The following CADM2 variants were observed in gnomAD, a reference collection of about 807,000 sequenced individuals.
CADM2 encodes cell adhesion molecule 2, also known as immunoglobulin superfamily member 4D.
In CADM2, 12 loss-of-function variants were observed where a neutral mutation model predicts 49.8. That is an observed-to-expected ratio of 0.24 (90% CI 0.15 to 0.39). CADM2 has a LOEUF of 0.39. Among genes scored for constraint, CADM2 ranks in the 10% least tolerant of loss-of-function variants. CADM2 has a pLI of 1.00. For synonymous variants in CADM2, 214 were observed against 175.4 expected (o/e 1.22, Z -1.74); for missense variants, 378 against 492.3 (o/e 0.77, Z 2.20).
intron 1 of CADM2, among the ~76,000 whole-genome samples, chr3:85,217,085 A>C: frequency 6.6e-6 from 1 of 151,990 alleles, no homozygotes; most frequent in East Asian, 1.9e-4. Flanking sequence ...TTTACCTAAA[A>C]TATTAAGTGA....
chr3:85,576,536 A>G (rs1403970112), intron 1 of CADM2, among the ~76,000 whole-genome samples: 1 of 152,226 alleles, frequency 6.6e-6, no homozygotes, highest in Non-Finnish European at 1.5e-5. Flanking sequence ...ACACATATGG[A>G]GGCACAAACA....
chr3:85,361,022 G>A (rs2032317877), intron 1 of CADM2, among the ~76,000 whole-genome samples: 1 of 152,080 alleles, frequency 6.6e-6, no homozygotes, highest in South Asian at 2.1e-4. Flanking sequence ...TCTGCATTTA[G>A]TCTACTCTTT....
At chr3:84,959,768 C>T (rs2030271351) in intron 1 of CADM2, 100 bp downstream of exon 1, 1 of 1,159,486 alleles carries the variant, frequency 8.6e-7, no homozygotes, top group African/African-American at 1.5e-5. Flanking sequence ...GTCTCCCTGT[C>T]CCCAGCGATT....
At chr3:85,374,611 G>A (rs1467382075) in intron 1 of CADM2, among the ~76,000 whole-genome samples, 1 of 152,126 alleles carries the variant, frequency 6.6e-6, no homozygotes, top group Admixed American at 6.6e-5. Context: ...CTCAGACTGG[G>A]TAATCTATAA....
rs74807814 is a variant in CADM2, at chr3:85,783,317, C to T, written c.89-18730C>T. Among the ~76,000 whole-genome samples the T allele has an allele frequency of 2.4e-3, 360 of 152,280 alleles. 1 individual carries two copies. Among genetic ancestry groups the T allele is most frequent in the African/African-American group, 8.4e-3 (348 of 41,548 alleles). On this transcript the variant is annotated intron_variant, in intron 2 of 9. Transcript: ENST00000383699. ...GCCATTAAAATAGCTTAACAGTCAA[C>T]TCAAACCACTGATGAGCACTATTTA...
At chr3:85,302,787 C>A (rs991513517) in intron 1 of CADM2, among the ~76,000 whole-genome samples, 7 of 151,868 alleles carry the variant, frequency 4.6e-5, no homozygotes, top group Non-Finnish European at 1.0e-4. Context: ...TCTTCTTCAA[C>A]AGCTATGTAA....
intron 3 of CADM2, among the ~76,000 whole-genome samples, chr3:85,860,178 A>G (rs949168177): frequency 1.3e-5 from 2 of 152,144 alleles, no homozygotes; most frequent in Admixed American, 1.3e-4. Flanking sequence ...GATACTATTT[A>G]CATACTTAGT....
Position 85,970,363 on chromosome 3 carries a change from A to G in CADM2, c.970+8716A>G, listed in dbSNP as rs188833174. ...TCTGACCATTAGAAATACAGGTGATAGGAGTGGATATTAAAAGTGAAGCTC... is the reference window on the plus strand; with the variant it reads ...TCTGACCATTAGAAATACAGGTGATGGGAGTGGATATTAAAAGTGAAGCTC... On this transcript the variant is annotated intron_variant, in intron 8 of 9. Coordinates refer to ENST00000383699, the MANE Select transcript of CADM2 (RefSeq NM_001167675.2). 2.6e-4 allele frequency among the ~76,000 whole-genome samples: 39 copies of G among 151,592 alleles called. No individual in the cohort carries two copies. In the East Asian group the frequency reaches 7.5e-3, roughly 29 times the overall value.
At position 86,012,177 on chromosome 3, in the gene CADM2, A is replaced by G. The variant is rs547391587; in HGVS notation, c.970+50530A>G. 3.0e-3 allele frequency among the ~76,000 whole-genome samples: 457 copies of G among 152,288 alleles called. 3 individuals are homozygous for G. The highest frequency in any genetic ancestry group is 0.011 in the African/African-American group (449 of 41,578). On this transcript the variant is annotated intron_variant, in intron 8 of 9. Transcript: ENST00000383699. ...TATTAAAATAATATATACAGCTGCC[A>G]AAATATTTTCTATTTTAAAGTAATT...
intron 3 of CADM2, among the ~76,000 whole-genome samples, chr3:85,863,455 A>C (rs927021444): frequency 1.3e-5 from 2 of 152,188 alleles, no homozygotes; most frequent in Non-Finnish European, 2.9e-5. Context: ...TTAAGTCATG[A>C]GGGCTCTGCC....
chr3:85,352,169 C>T (rs1401980561), intron 1 of CADM2, among the ~76,000 whole-genome samples: 4 of 152,030 alleles, frequency 2.6e-5, no homozygotes, highest in African/African-American at 9.7e-5. Flanking sequence ...ACAATTAAAG[C>T]ACTATAGTTC....
At chr3:85,182,173 G>T (rs547609536) in intron 1 of CADM2, among the ~76,000 whole-genome samples, 2 of 151,894 alleles carry the variant, frequency 1.3e-5, no homozygotes, top group South Asian at 4.1e-4. Context: ...TAATTACAGT[G>T]GTGCTTTTAA....
intron 5 of CADM2, among the ~76,000 whole-genome samples, chr3:85,899,417 A>G (rs187795931): frequency 2.6e-5 from 4 of 152,188 alleles, no homozygotes; most frequent in Admixed American, 1.3e-4. Flanking sequence ...TTGTATTTTT[A>G]ATGCCTTTGT....
chr3:85,811,589 A>T (rs2072881116), intron 3 of CADM2, among the ~76,000 whole-genome samples: 1 of 152,170 alleles, frequency 6.6e-6, no homozygotes, highest in African/African-American at 2.4e-5. Flanking sequence ...TTATCTTTTA[A>T]TCATGTGTGT....
At chr3:85,885,454 C>T (rs577579232) in intron 4 of CADM2, among the ~76,000 whole-genome samples, 56 of 151,534 alleles carry the variant, frequency 3.7e-4, no homozygotes, top group Middle Eastern at 3.4e-3. Flanking sequence ...GGGCAGATCA[C>T]GAGGTCAGGA....
intron 1 of CADM2, among the ~76,000 whole-genome samples, chr3:85,519,318 G>A (rs1364543677): frequency 1.3e-5 from 2 of 152,002 alleles, no homozygotes; most frequent in Admixed American, 6.6e-5. Context: ...GTACTTGAGC[G>A]ATATATTTCC....
intron 7 of CADM2, among the ~76,000 whole-genome samples, chr3:85,956,942 G>T (rs959504789): frequency 6.6e-6 from 1 of 151,480 alleles, no homozygotes; most frequent in Admixed American, 6.6e-5. Context: ...ATCAAGAAAA[G>T]GTTGCCTCCT....
At chr3:85,277,514 T>C (rs1223573022) in intron 1 of CADM2, among the ~76,000 whole-genome samples, 1 of 151,420 alleles carries the variant, frequency 6.6e-6, no homozygotes, top group East Asian at 1.9e-4. Flanking sequence ...ATGAATCAAC[T>C]TTCACCTGGA....
chr3:85,516,107 TCCATG>T (rs1353777969), intron 1 of CADM2, among the ~76,000 whole-genome samples: 3 of 152,178 alleles, frequency 2.0e-5, no homozygotes, highest in Non-Finnish European at 4.4e-5. Flanking sequence ...CATTTCAGTT[TCCATG>T]CCACAGTCCT....
Sources: gnomAD v4.1 joint callset for allele counts (sites outside exome capture counted in the v4.1 genomes callset) on GRCh38, gnomAD v4.1.1 for gene constraint, MANE v1.5 for transcripts, NCBI Gene and HGNC (gene_info 2026-07-23, HGNC 2026-07-21) for gene names.